PDE10A: variants seen among roughly 807,000 people sequenced by gnomAD.
PDE10A encodes cAMP and cAMP-inhibited cGMP 3',5'-cyclic phosphodiesterase 10A.
PDE10A carries 39 observed loss-of-function variants against 97.7 expected under a neutral mutation model. The ratio of observed to expected loss-of-function variants is 0.40; its 90% CI spans 0.31 to 0.52. PDE10A has a LOEUF of 0.52. Ranked by LOEUF, PDE10A falls within the 20% of genes least tolerant of loss-of-function variation. PDE10A has a pLI of 0.56. For synonymous variants in PDE10A, 371 were observed against 376.8 expected, an observed-to-expected ratio of 0.98 and a Z score of 0.18; for missense variants, 731 against 1,047.8, an observed-to-expected ratio of 0.70 and a Z score of 4.17.
At chr6:165,620,286 C>A (rs977727621) in intron 1 of PDE10A, among the ~76,000 whole-genome samples, 10 of 152,106 alleles carry the variant, frequency 6.6e-5, no homozygotes, top group African/African-American at 2.4e-4. Context: ...CCACCCCCAC[C>A]CTGGCCAGGC....
At chr6:165,518,032 T>TA (rs1230362049) in intron 2 of PDE10A, among the ~76,000 whole-genome samples, 1 of 152,208 alleles carries the variant, frequency 6.6e-6, no homozygotes, top group Non-Finnish European at 1.5e-5. Context: ...GTTATTCAGC[T>TA]AAATATTAAG....
chr6:165,638,622 A>T (rs1788988303), intron 1 of PDE10A, among the ~76,000 whole-genome samples: 1 of 152,208 alleles, frequency 6.6e-6, no homozygotes, highest in Non-Finnish European at 1.5e-5. Flanking sequence ...AAGAAAATAA[A>T]ATTTTAAAAA....
At chr6:165,604,369 CA>C (rs1240731337) in intron 1 of PDE10A, among the ~76,000 whole-genome samples, 1 of 152,072 alleles carries the variant, frequency 6.6e-6, no homozygotes, top group Admixed American at 6.5e-5. Flanking sequence ...TGATACCCCA[CA>C]AATACTCAGC....
chr6:165,691,481 T>G (rs959488797), intron 1 of PDE10A, among the ~76,000 whole-genome samples: 2 of 152,132 alleles, frequency 1.3e-5, no homozygotes, highest in Non-Finnish European at 2.9e-5. Context: ...GCATACTCTG[T>G]GATGTTCTTA....
chr6:165,610,530 CAAAAAAA>C (rs201763144), intron 1 of PDE10A, among the ~76,000 whole-genome samples: 2 of 55,108 alleles, frequency 3.6e-5, no homozygotes, highest in African/African-American at 6.6e-5. Context: ...GACTCCGTCT[CAAAAAAA>C]AAAAAAAAAA....
At chr6:165,971,295 A>C (rs190953104) in intron 1 of PDE10A, among the ~76,000 whole-genome samples, 3 of 152,270 alleles carry the variant, frequency 2.0e-5, no homozygotes, top group Admixed American at 6.5e-5. Flanking sequence ...ACTCGTGAGC[A>C]CCTCAAGCTG....
chr6:165,636,838 C>G (rs1299279891), intron 1 of PDE10A, among the ~76,000 whole-genome samples: 1 of 152,090 alleles, frequency 6.6e-6, no homozygotes, highest in Non-Finnish European at 1.5e-5. Flanking sequence ...GTCCAGCCAC[C>G]CCTCACCTCG....
At chr6:165,339,483 A>T in intron 19 of PDE10A, 125 bp from the exon 20 acceptor site, 1 of 661,374 alleles carries the variant, frequency 1.5e-6, no homozygotes, top group Non-Finnish European at 2.6e-6. Context: ...GTGGTTGTTA[A>T]CCCAAGAAAA....
chr6:165,717,434 A>C (rs1210600665), intron 1 of PDE10A, among the ~76,000 whole-genome samples: 1 of 152,148 alleles, frequency 6.6e-6, no homozygotes, highest in East Asian at 1.9e-4. Context: ...TACTACAAAA[A>C]TTAGCTGGGC....
intron 20 of PDE10A, among the ~76,000 whole-genome samples, chr6:165,336,755 CAA>C (rs776243789): frequency 9.3e-4 from 47 of 50,460 alleles, no homozygotes; most frequent in African/African-American, 1.9e-3. Flanking sequence ...GACTCCGTCT[CAA>C]AAAAAAAAAA....
intron 1 of PDE10A, among the ~76,000 whole-genome samples, chr6:165,843,274 G>T (rs1260320505): frequency 6.6e-6 from 1 of 152,178 alleles, no homozygotes; most frequent in African/African-American, 2.4e-5. Context: ...TGAAAAGGTG[G>T]AGTGGATTCT....
chr6:165,792,968 G>C (rs190010176), intron 1 of PDE10A, among the ~76,000 whole-genome samples: 10 of 152,266 alleles, frequency 6.6e-5, no homozygotes, highest in African/African-American at 1.9e-4. Flanking sequence ...GTGCTGGGGT[G>C]GGGGGTGGCT....
rs1562728453 is a variant in PDE10A, at chr6:165,771,653, A to AC, written c.-615+215875_-615+215876insG. 2.3e-4 allele frequency among the ~76,000 whole-genome samples: 19 copies of AC among 82,430 alleles called. 1 individual carries two copies. Among genetic ancestry groups the AC allele is most frequent in the African/African-American group, 1.3e-3 (19 of 14,534 alleles). 54.1% of individuals were successfully genotyped at this position (82,430 alleles called of 152,430 possible). A position where few individuals can be genotyped will look rare whatever the true frequency, so the allele number is the denominator to read the frequency against. On this transcript the variant is annotated intron_variant, in intron 1 of 19. Transcript: ENST00000366882. ...TCTGTCAAATCTCCAGTTTAACAAG[A>AC]TAAAAAAAAAAAAAAAAAAAAAGCA...
At chr6:165,613,859 C>G (rs531333196) in intron 1 of PDE10A, among the ~76,000 whole-genome samples, 1 of 152,226 alleles carries the variant, frequency 6.6e-6, no homozygotes, top group African/African-American at 2.4e-5. Context: ...TCTTATCTGT[C>G]CAACAAATAC....
At chr6:165,815,908 G>A (rs556219222) in intron 1 of PDE10A, among the ~76,000 whole-genome samples, 3 of 152,122 alleles carry the variant, frequency 2.0e-5, no homozygotes, top group South Asian at 2.1e-4. Context: ...CTCGTGACAC[G>A]ATTGTCCCCT....
At chr6:165,624,244 T>A (rs1156975739) in intron 1 of PDE10A, among the ~76,000 whole-genome samples, 1 of 152,198 alleles carries the variant, frequency 6.6e-6, no homozygotes, top group Admixed American at 6.5e-5. Flanking sequence ...TGGCACACTC[T>A]CCAGCATCTG....
chr6:165,599,725 C>A (rs965113327), intron 1 of PDE10A, among the ~76,000 whole-genome samples: 5 of 152,116 alleles, frequency 3.3e-5, no homozygotes, highest in African/African-American at 9.7e-5. Flanking sequence ...GTTGCCATAC[C>A]AGTTAACCGT....
At chr6:165,712,636 T>C (rs972889779) in intron 1 of PDE10A, among the ~76,000 whole-genome samples, 31 of 23,126 alleles carry the variant, frequency 1.3e-3, no homozygotes, top group East Asian at 2.2e-3. Flanking sequence ...TCTTTCTTTT[T>C]TTTTTTTTTT....
chr6:165,810,457 C>T (rs1779250191), intron 1 of PDE10A, among the ~76,000 whole-genome samples: 1 of 152,130 alleles, frequency 6.6e-6, no homozygotes, highest in Non-Finnish European at 1.5e-5. Flanking sequence ...CTGCTTAATT[C>T]ACTTCACCAT....
Sources: gnomAD v4.1 joint callset for allele counts (sites outside exome capture counted in the v4.1 genomes callset) on GRCh38, gnomAD v4.1.1 for gene constraint, MANE v1.5 for transcripts, NCBI Gene and HGNC (gene_info 2026-07-23, HGNC 2026-07-21) for gene names.